Variants in MYCL observed in about 807,000 individuals in gnomAD.
MYCL encodes MYCL proto-oncogene, bHLH transcription factor, also known as protein L-Myc.
A neutral mutation model predicts 31.0 loss-of-function variants in MYCL; 11 were observed. That is an observed-to-expected ratio of 0.35 (90% CI 0.22 to 0.59). The LOEUF is 0.59. MYCL is among the 20% of genes least tolerant of loss of function. The probability of loss-of-function intolerance (pLI) is 0.79; values close to 1 mark genes in which losing one functional copy is unlikely to be tolerated. For synonymous variants in MYCL, 208 were observed against 202.4 expected (o/e 1.03, Z -0.23); for missense variants, 427 against 486.1 (o/e 0.88, Z 1.14).
At position 39,899,411 on chromosome 1, in the gene MYCL, T is replaced by A. The variant is rs114455130; in HGVS notation, c.497-1441A>T. On this transcript the variant is annotated intron_variant, in intron 1 of 1. Coordinates refer to ENST00000372816, the MANE Select transcript of MYCL (RefSeq NM_001033081.3). The stretch of plus-strand genomic sequence containing the variant: ...ATAATTTAAGACACCATTCTCCCTT[T>A]CAGAGAGTAGTGTCTTACTCTATCC... 8.1e-3 allele frequency among the ~76,000 whole-genome samples: 1,233 copies of A among 152,308 alleles called. 9 individuals are homozygous for A. The highest frequency in any genetic ancestry group is 0.028 in the African/African-American group (1,175 of 41,556).
intron 1 of MYCL, chr1:39,900,736 T>A: frequency 7.1e-7 from 1 of 1,406,108 alleles, no homozygotes; most frequent in Non-Finnish European, 9.3e-7. Flanking sequence ...GGAGGCTGGC[T>A]CCCACGCCAC....
At chr1:39,899,028 C>G (rs1320949430) in intron 1 of MYCL, 4 of 985,478 alleles carry the variant, frequency 4.1e-6, no homozygotes, top group African/African-American at 1.7e-5. Flanking sequence ...GTCAGGAAGG[C>G]TTCCATTGTG....
chr1:39,897,361 T>G lies in MYCL; in HGVS notation c.*11A>C. ...TCTTCGTAAGACAGAACTGTCAGGC[T>G]TTTTGGTCAGTTAGTAGCCAGTGAG... On this transcript the variant is annotated 3_prime_UTR_variant, in exon 2 of 2. Transcript: ENST00000372816. This position sits in a 1 kb window ranked among gnomAD's most constrained non-coding sequence, Gnocchi z 4.3. 2 of 1,566,630 alleles carry G rather than the reference T, an allele frequency of 1.3e-6. No individual in the cohort carries two copies. The highest frequency in any genetic ancestry group is 1.7e-6 in the Non-Finnish European group (2 of 1,154,764).
At position 39,896,804 on chromosome 1, in the gene MYCL, C is replaced by A; in HGVS notation, c.*568G>T. The stretch of plus-strand genomic sequence containing the variant: ...CATCATAATATATAAAGGTTTCCAA[C>A]TCCTTGGCTACTGTAAAGTGTCTGA... On this transcript the variant is annotated 3_prime_UTR_variant, in exon 2 of 2. Coordinates refer to ENST00000372816, the MANE Select transcript of MYCL (RefSeq NM_001033081.3). 1 of 203,832 alleles carries A rather than the reference C, an allele frequency of 4.9e-6. No individual in the cohort carries two copies. The highest frequency in any genetic ancestry group is 1.0e-5 in the Non-Finnish European group (1 of 99,124). The allele number at this position is 203,832 out of a possible 1,614,324, so 12.6% of individuals were successfully genotyped here.
intron 1 of MYCL, chr1:39,899,880 T>G (rs1430651708): frequency 1.4e-5 from 14 of 985,306 alleles, no homozygotes; most frequent in Non-Finnish European, 1.7e-5. Flanking sequence ...CCTAATTTAT[T>G]TGTCACTAGC....
intron 1 of MYCL, chr1:39,900,562 T>C: frequency 1.7e-6 from 2 of 1,187,504 alleles, no homozygotes; most frequent in East Asian, 7.4e-5. Context: ...TAGGGGAGTG[T>C]GAGTTTCCTA....
In MYCL at chr1:39,896,905, A is replaced by C. The variant is rs1407451518; in HGVS notation, c.*467T>G. Reference sequence around the variant, plus strand: ...AAGACAGCTCGTGTGTCTTCTGGAAAAAGGAGCCTCAGGGAGAGCATCCAG... The same window carrying C: ...AAGACAGCTCGTGTGTCTTCTGGAACAAGGAGCCTCAGGGAGAGCATCCAG... On this transcript the variant is annotated 3_prime_UTR_variant, in exon 2 of 2. Transcript: ENST00000372816. 1 of 198,920 alleles carries C rather than the reference A, an allele frequency of 5.0e-6. No individual in the cohort carries two copies. The highest frequency in any genetic ancestry group is 1.1e-5 in the Non-Finnish European group (1 of 95,082). The allele number at this position is 198,920 out of a possible 1,614,324, so 12.3% of individuals were successfully genotyped here.
rs1160082570 is a variant in MYCL at position 39,898,137 on chromosome 1, G to A, written c.497-167C>T. On this transcript the variant is annotated intron_variant, in intron 1 of 1. Coordinates refer to ENST00000372816, the MANE Select transcript of MYCL (RefSeq NM_001033081.3). ...CAGAAAGCTGATTCATTTGTAATGT[G>A]GTAAGGGCACAGTGAAGGAAAGGAG... The A allele has an allele frequency of 1.9e-5, 19 of 983,490 alleles. No individual in the cohort carries two copies. In the East Asian group the frequency reaches 5.0e-4, roughly 26 times the overall value. The allele number at this position is 983,490 out of a possible 1,614,324, so 60.9% of individuals were successfully genotyped here.
At position 39,896,309 on chromosome 1, in the gene MYCL, C is replaced by CA. The variant is rs1644482022; in HGVS notation, c.*1062dup. On this transcript the variant is annotated 3_prime_UTR_variant, in exon 2 of 2. Coordinates refer to ENST00000372816, the MANE Select transcript of MYCL (RefSeq NM_001033081.3). ...GGCCCAAGGGTGGCTGCAGAGCCAG[C>CA]AAGCTCCTTGGAATTGCATGAGGAG... 1 of 196,900 alleles carries CA rather than the reference C, an allele frequency of 5.1e-6. No homozygotes were observed. Among genetic ancestry groups the CA allele is most frequent in the South Asian group, 1.9e-4 (1 of 5,224 alleles). The allele number at this position is 196,900 out of a possible 1,614,324, so 12.2% of individuals were successfully genotyped here.
Position 39,897,569 on chromosome 1 carries a change from G to A in MYCL, c.898C>T (p.Arg300Ter), listed in dbSNP as rs1218116984. 4 of 1,614,218 alleles carry A rather than the reference G, an allele frequency of 2.5e-6. No homozygotes were observed. Among genetic ancestry groups the A allele is most frequent in the East Asian group, 2.2e-5 (1 of 44,890 alleles). Reference sequence around the variant, plus strand: ...ACCTGGTCCCTCAGCGCCAAGAATCGCGAACGCAGGTCATTCCGCCTCTTG... The same window carrying A: ...ACCTGGTCCCTCAGCGCCAAGAATCACGAACGCAGGTCATTCCGCCTCTTG... The part of the protein sequence containing the change: ...ERKRRNDLRS[R>*]FLALRDQVPT... The change falls in exon 2 of 2, where the codon CGA (arginine) becomes TGA (stop). Residue 300 changes from arginine to a stop codon, truncating the protein, a stop_gained. Coordinates refer to ENST00000372816, the MANE Select transcript of MYCL (RefSeq NM_001033081.3). LOFTEE classifies it high-confidence loss of function. This position sits in a 1 kb window ranked among gnomAD's most constrained non-coding sequence, Gnocchi z 4.3.
rs1267354982 is a variant in MYCL at position 39,901,714 on chromosome 1, G to C, written c.-280C>G. 8.2e-7 allele frequency: 1 copy of C among 1,218,272 alleles called. No individual in the cohort carries two copies. The highest frequency in any genetic ancestry group is 1.6e-5 in the African/African-American group (1 of 62,748). 75.5% of individuals were successfully genotyped at this position (1,218,272 alleles called of 1,614,324 possible). ...GGAGCGCAGCTCCCAGGGCCCGGCGGGGCCGGGCGGGGGCGCGCCGTGCCC... is the reference window on the plus strand; with the variant it reads ...GGAGCGCAGCTCCCAGGGCCCGGCGCGGCCGGGCGGGGGCGCGCCGTGCCC... On this transcript the variant is annotated 5_prime_UTR_variant, in exon 1 of 2. Coordinates refer to ENST00000372816, the MANE Select transcript of MYCL (RefSeq NM_001033081.3). This position sits in a 1 kb window ranked among gnomAD's most constrained non-coding sequence, Gnocchi z 6.9.
Position 39,901,474 on chromosome 1 carries a change from G to C in MYCL, c.-40C>G. ...GGAGGGAAGGGGGGACGTGCTGACC[G>C]GGTGCCGGCCGGGCGAAGGAGGTGT... On this transcript the variant is annotated 5_prime_UTR_variant, in exon 1 of 2. Coordinates refer to ENST00000372816, the MANE Select transcript of MYCL (RefSeq NM_001033081.3). This position sits in a 1 kb window ranked among gnomAD's most constrained non-coding sequence, Gnocchi z 6.9. 1.9e-6 allele frequency: 3 copies of C among 1,595,042 alleles called. No individual in the cohort carries two copies. The highest frequency in any genetic ancestry group is 2.5e-6 in the Non-Finnish European group (3 of 1,176,546).
rs2124715746 is a variant in MYCL at position 39,897,722 on chromosome 1, C to T, written c.745G>A (p.Glu249Lys). ...GGACTCACAATCTCTTCATCCTCCT[C>T]ATCTTCCTTTTCCCCTGCAGCATCT... ...ERDAAGEKED[E>K]EDEEIVSPPP... The change falls in exon 2 of 2, where the codon GAG becomes AAG. Residue 249 changes from glutamate to lysine, a missense_variant. Physicochemically the swap from Glu to Lys is moderately conservative, Grantham distance 56. Coordinates refer to ENST00000372816, the MANE Select transcript of MYCL (RefSeq NM_001033081.3). This position sits in a 1 kb window ranked among gnomAD's most constrained non-coding sequence, Gnocchi z 4.3. 6.2e-7 allele frequency: 1 copy of T among 1,614,194 alleles called. No homozygotes were observed. The highest frequency in any genetic ancestry group is 1.1e-5 in the South Asian group (1 of 91,080).
Position 39,901,825 on chromosome 1 carries a change from C to T in MYCL, c.-391G>A. 1 of 1,273,812 alleles carries T rather than the reference C, an allele frequency of 7.9e-7. No homozygotes were observed. Among genetic ancestry groups the T allele is most frequent in the Non-Finnish European group, 1.0e-6 (1 of 999,026 alleles). 78.9% of individuals were successfully genotyped at this position (1,273,812 alleles called of 1,614,324 possible). A position where few individuals can be genotyped will look rare whatever the true frequency, so the allele number is the denominator to read the frequency against. ...AGCCTCACCTCGCTCCAGCCGCCCG[C>T]CACCTGGAGCGGACCGGCTCCCCGC... On this transcript the variant is annotated 5_prime_UTR_variant, in exon 1 of 2. Coordinates refer to ENST00000372816, the MANE Select transcript of MYCL (RefSeq NM_001033081.3). This position sits in a 1 kb window ranked among gnomAD's most constrained non-coding sequence, Gnocchi z 6.9.
Position 39,901,486 on chromosome 1 carries a change from G to A in MYCL, c.-52C>T, listed in dbSNP as rs775530866. ...GGACGTGCTGACCGGGTGCCGGCCGGGCGAAGGAGGTGTCCCCGGGTCCCT... is the reference window on the plus strand; with the variant it reads ...GGACGTGCTGACCGGGTGCCGGCCGAGCGAAGGAGGTGTCCCCGGGTCCCT... On this transcript the variant is annotated 5_prime_UTR_variant, in exon 1 of 2. Coordinates refer to ENST00000372816, the MANE Select transcript of MYCL (RefSeq NM_001033081.3). The surrounding 1 kb of genome is among the most constrained non-coding windows in gnomAD (Gnocchi z 6.9). The A allele has an allele frequency of 6.3e-7, 1 of 1,586,354 alleles. No homozygotes were observed. Among genetic ancestry groups the A allele is most frequent in the Non-Finnish European group, 8.5e-7 (1 of 1,173,550 alleles).
chr1:39,901,135 C>A lies in MYCL; in HGVS notation c.300G>T (p.Ser100=). ...CAGCTCTCTCCAGCCGTTCCCGGGC[C>A]GAGAAGCCGCTCCACATGCAGTCAC... ...IRRDCMWSGF[S]ARERLERAVS... Residue 100 remains serine, a synonymous_variant, in exon 1 of 2, where the codon TCG becomes TCT. Transcript: ENST00000372816. This position sits in a 1 kb window ranked among gnomAD's most constrained non-coding sequence, Gnocchi z 6.9. 6.2e-7 allele frequency: 1 copy of A among 1,609,382 alleles called. No individual in the cohort carries two copies. Among genetic ancestry groups the A allele is most frequent in the Non-Finnish European group, 8.5e-7 (1 of 1,178,298 alleles).
In MYCL at chr1:39,901,863, G is replaced by A. The variant is rs762974490; in HGVS notation, c.-429C>T. 2.1e-3 allele frequency: 2,587 copies of A among 1,226,688 alleles called. 6 individuals carry two copies. The highest frequency in any genetic ancestry group is 2.4e-3 in the Admixed American group (60 of 24,816). The allele number at this position is 1,226,688 out of a possible 1,614,324, so 76.0% of individuals were successfully genotyped here. A position where few individuals can be genotyped will look rare whatever the true frequency, so the allele number is the denominator to read the frequency against. ...ACCGGCTCCCCGCCGGCTCGGGGCA[G>A]CCCGGCAGCCAGCACACACGCACAT... On this transcript the variant is annotated 5_prime_UTR_variant, in exon 1 of 2. Transcript: ENST00000372816. This position sits in a 1 kb window ranked among gnomAD's most constrained non-coding sequence, Gnocchi z 6.9.
chr1:39,901,505 G>C lies in MYCL; in HGVS notation c.-71C>G. 3.8e-6 allele frequency: 6 copies of C among 1,565,638 alleles called. No homozygotes were observed. Among genetic ancestry groups the C allele is most frequent in the Middle Eastern group, 2.1e-4 (1 of 4,702 alleles). On this transcript the variant is annotated 5_prime_UTR_variant, in exon 1 of 2. Transcript: ENST00000372816. The surrounding 1 kb of genome is among the most constrained non-coding windows in gnomAD (Gnocchi z 6.9). ...CGGCCGGGCGAAGGAGGTGTCCCCG[G>C]GTCCCTCGGCACAGTCGGCTGCCGG...
chr1:39,900,896 C>A, intron 1 of MYCL, 43 bp downstream of exon 1: 1 of 1,506,684 alleles, frequency 6.6e-7, no homozygotes, highest in Non-Finnish European at 8.8e-7. Context: ...CTTTGGCCAC[C>A]CATGGGGTGG....
Sources: gnomAD v4.1 joint callset for allele counts (sites outside exome capture counted in the v4.1 genomes callset) on GRCh38, gnomAD v4.1.1 for gene constraint, Gnocchi (gnomAD v3.1) non-coding constraint, MANE v1.5 for transcripts, NCBI Gene and HGNC (gene_info 2026-07-23, HGNC 2026-07-21) for gene names.